The following PAXIP1 variants were observed in gnomAD, a reference collection of about 807,000 sequenced individuals.
The protein encoded by PAXIP1 is PAX interacting protein 1.
PAXIP1 carries 19 observed loss-of-function variants against 140.6 expected under a neutral mutation model. That is an observed-to-expected ratio of 0.14 (90% CI 0.09 to 0.20). The LOEUF (loss-of-function observed/expected upper bound fraction) is 0.20, where lower values mean the gene tolerates loss of function less well. Ranked by LOEUF, PAXIP1 falls within the 10% of genes least tolerant of loss-of-function variation. The pLI, the probability that PAXIP1 is intolerant of heterozygous loss-of-function variation, is 1.00. For synonymous variants in PAXIP1, 442 were observed against 444.6 expected (o/e 0.99, Z 0.07); for missense variants, 920 against 1,208.6 (o/e 0.76, Z 3.54).
At chr7:154,993,795 A>T in intron 2 of PAXIP1, 26 bp from the exon 3 acceptor site, 1 of 1,537,174 alleles carries the variant, frequency 6.5e-7, no homozygotes, top group Non-Finnish European at 8.8e-7. Context: ...TTAAATCAAA[A>T]AGTATTCTCA....
Position 154,963,629 on chromosome 7 carries a change from C to T in PAXIP1, c.1989+42G>A. 1.5e-6 allele frequency: 2 copies of T among 1,361,398 alleles called. No homozygotes were observed. Among genetic ancestry groups the T allele is most frequent in the Non-Finnish European group, 2.1e-6 (2 of 962,346 alleles). The allele number at this position is 1,361,398 out of a possible 1,614,324, so 84.3% of individuals were successfully genotyped here. A position where few individuals can be genotyped will look rare whatever the true frequency, so the allele number is the denominator to read the frequency against. Reference sequence around the variant, plus strand: ...CATTTAAGATTGCATATTAAAAATGCCAGACCTTGCTCCTGGTCGCAGCTA... The same window carrying T: ...CATTTAAGATTGCATATTAAAAATGTCAGACCTTGCTCCTGGTCGCAGCTA... On this transcript the variant is annotated intron_variant, in intron 9 of 20. Coordinates refer to ENST00000404141, the MANE Select transcript of PAXIP1 (RefSeq NM_007349.4). This position sits in a 1 kb window ranked among gnomAD's most constrained non-coding sequence, Gnocchi z 4.1.
chr7:154,954,259 G>A lies in PAXIP1; in HGVS notation c.2817C>T (p.Phe939=), dbSNP rs1157442120. The A allele has an allele frequency of 6.5e-7, 1 of 1,534,344 alleles. No homozygotes were observed. The highest frequency in any genetic ancestry group is 1.2e-5 in the South Asian group (1 of 82,338). The change falls in exon 16 of 21, where the codon TTC becomes TTT. Residue 939 remains phenylalanine, a synonymous_variant. Transcript: ENST00000404141. This position sits in a 1 kb window ranked among gnomAD's most constrained non-coding sequence, Gnocchi z 5.1. ...WLEECFRCQK[F]IDEQNYILRD... ...GTTACTGGCGCTGCTCCTTACCAAT[G>A]AACTTCTGACACCTGAAGCATTCTT...
At chr7:154,999,445 GC>G (rs769262162) in intron 1 of PAXIP1, among the ~76,000 whole-genome samples, 11 of 152,210 alleles carry the variant, frequency 7.2e-5, no homozygotes, top group Non-Finnish European at 1.3e-4. Flanking sequence ...GATTGGGTGG[GC>G]TGGCTGTGTT....
At chr7:154,987,082 C>G (rs1810107090) in intron 4 of PAXIP1, among the ~76,000 whole-genome samples, 1 of 152,186 alleles carries the variant, frequency 6.6e-6, no homozygotes, top group African/African-American at 2.4e-5. Flanking sequence ...CTTCTCTGAG[C>G]AGTCTGCTCA....
chr7:154,982,836 C>A (rs566057679), intron 5 of PAXIP1, among the ~76,000 whole-genome samples: 6 of 152,062 alleles, frequency 3.9e-5, no homozygotes, highest in African/African-American at 1.2e-4. Flanking sequence ...AAAATTTCAC[C>A]ACACACGTTT....
In PAXIP1 at chr7:154,943,860, G is replaced by C. The variant is rs925009066; in HGVS notation, c.*289C>G. ...CCATTTTATTTCTAGTTGAAGTCCCGTAACAGTTTTGTGAAAACATTTAAA... is the reference window on the plus strand; with the variant it reads ...CCATTTTATTTCTAGTTGAAGTCCCCTAACAGTTTTGTGAAAACATTTAAA... On this transcript the variant is annotated 3_prime_UTR_variant, in exon 21 of 21. Coordinates refer to ENST00000404141, the MANE Select transcript of PAXIP1 (RefSeq NM_007349.4). 7.9e-6 allele frequency: 3 copies of C among 378,196 alleles called. No homozygotes were observed. The highest frequency in any genetic ancestry group is 1.5e-5 in the Non-Finnish European group (3 of 203,464). 23.4% of individuals were successfully genotyped at this position (378,196 alleles called of 1,614,324 possible). A position where few individuals can be genotyped will look rare whatever the true frequency, so the allele number is the denominator to read the frequency against.
At chr7:154,950,629 T>C (rs370383437) in intron 16 of PAXIP1, 1 of 152,238 alleles carries the variant, frequency 6.6e-6, no homozygotes, top group South Asian at 2.1e-4. Context: ...GCAACCTTGT[T>C]GATTTACCAA....
intron 4 of PAXIP1, among the ~76,000 whole-genome samples, chr7:154,985,030 A>G (rs890838050): frequency 2.0e-5 from 3 of 152,174 alleles, no homozygotes; most frequent in African/African-American, 7.2e-5. Context: ...TCAACTTGGA[A>G]AACTTCCATG....
intron 4 of PAXIP1, among the ~76,000 whole-genome samples, chr7:154,984,474 G>A (rs913047116): frequency 1.2e-4 from 18 of 152,256 alleles, no homozygotes; most frequent in African/African-American, 4.3e-4. Flanking sequence ...CCAGTATGCA[G>A]CTTGCCAATA....
At chr7:154,945,721 T>C in intron 20 of PAXIP1, 1 of 985,356 alleles carries the variant, frequency 1.0e-6, no homozygotes, top group East Asian at 1.1e-4. Flanking sequence ...AACAGAATTT[T>C]CCCATAAGGA....
chr7:154,995,288 A>C (rs1810528115), intron 2 of PAXIP1, among the ~76,000 whole-genome samples: 1 of 152,160 alleles, frequency 6.6e-6, no homozygotes, highest in Non-Finnish European at 1.5e-5. Context: ...CCAGTCTGGA[A>C]ATGTTATCTA....
In PAXIP1 at chr7:155,002,902, C is replaced by T; in HGVS notation, c.28G>A (p.Glu10Lys). 1 of 1,387,324 alleles carries T rather than the reference C, an allele frequency of 7.2e-7. No individual in the cohort carries two copies. The highest frequency in any genetic ancestry group is 9.5e-7 in the Non-Finnish European group (1 of 1,047,318). 85.9% of individuals were successfully genotyped at this position (1,387,324 alleles called of 1,614,324 possible). The change falls in exon 1 of 21, where the codon GAG becomes AAG. Residue 10 changes from glutamate to lysine, a missense_variant. Physicochemically the swap from Glu to Lys is moderately conservative, Grantham distance 56. Around this residue, in one of 5 missense-constraint regions of PAXIP1, gnomAD observed 419 missense variants for 514.7 expected, o/e 0.81. Transcript: ENST00000404141. ...TACTTGACCTCCCTGAACATCTCCT[C>T]AGGAACTTTGGGCGCCTGGTCCGAC... is the stretch of plus-strand genomic sequence containing the variant. MSDQAPKVP[E>K]EMFREVKYYA...
intron 4 of PAXIP1, among the ~76,000 whole-genome samples, chr7:154,987,206 C>G (rs1370581193): frequency 6.6e-6 from 1 of 152,238 alleles, no homozygotes; most frequent in Admixed American, 6.5e-5. Flanking sequence ...GTGATGCTCA[C>G]TGAGCCAGCT....
Position 154,946,418 on chromosome 7 carries a change from G to A in PAXIP1, c.3141C>T (p.His1047=), listed in dbSNP as rs1807976335. 1.9e-6 allele frequency: 3 copies of A among 1,613,566 alleles called. No individual in the cohort carries two copies. Among genetic ancestry groups the A allele is most frequent in the Non-Finnish European group, 1.7e-6 (2 of 1,179,494 alleles). Residue 1047 remains histidine, a synonymous_variant, in exon 20 of 21, where the codon CAC becomes CAT. Coordinates refer to ENST00000404141, the MANE Select transcript of PAXIP1 (RefSeq NM_007349.4). The surrounding 1 kb of genome is among the most constrained non-coding windows in gnomAD (Gnocchi z 4.9). ...CTCCAGTCAGAACGAACTCTGCATT[G>A]TGAACATCTGAACAGGGTGGAAACA... ...REYFARGIDV[H]NAEFVLTGVL...
Position 154,963,578 on chromosome 7 carries a change from T to G in PAXIP1, c.1989+93A>C. ...TCCTATCTTTAGAGGTAGAAAAAAGTTCTTTCCAAAAATAATAATCACTAG... is the reference window on the plus strand; with the variant it reads ...TCCTATCTTTAGAGGTAGAAAAAAGGTCTTTCCAAAAATAATAATCACTAG... On this transcript the variant is annotated intron_variant, in intron 9 of 20. Transcript: ENST00000404141. The surrounding 1 kb of genome is among the most constrained non-coding windows in gnomAD (Gnocchi z 4.1). 1 of 843,290 alleles carries G rather than the reference T, an allele frequency of 1.2e-6. No homozygotes were observed. Among genetic ancestry groups the G allele is most frequent in the Non-Finnish European group, 1.9e-6 (1 of 520,476 alleles). The allele number at this position is 843,290 out of a possible 1,614,324, so 52.2% of individuals were successfully genotyped here. A position where few individuals can be genotyped will look rare whatever the true frequency, so the allele number is the denominator to read the frequency against.
chr7:154,972,763 C>A (rs1171856920), intron 6 of PAXIP1, among the ~76,000 whole-genome samples: 2 of 152,262 alleles, frequency 1.3e-5, no homozygotes, highest in Non-Finnish European at 2.9e-5. Flanking sequence ...GACAGGTCCA[C>A]TGCGTGGCCG....
chr7:155,002,870 C>A lies in PAXIP1; in HGVS notation c.60G>T (p.Ala20=), dbSNP rs776429600. 4.9e-6 allele frequency: 7 copies of A among 1,416,144 alleles called. No individual in the cohort carries two copies. The highest frequency in any genetic ancestry group is 6.6e-6 in the Non-Finnish European group (7 of 1,065,392). 87.7% of individuals were successfully genotyped at this position (1,416,144 alleles called of 1,614,324 possible). A position where few individuals can be genotyped will look rare whatever the true frequency, so the allele number is the denominator to read the frequency against. The change falls in exon 1 of 21, where the codon GCG becomes GCT. Residue 20 remains alanine (A), a synonymous_variant. Coordinates refer to ENST00000404141, the MANE Select transcript of PAXIP1 (RefSeq NM_007349.4). The part of the protein sequence containing the change: ...EEMFREVKYY[A]VGDIDPQVIQ... ...GTACCTGCGGGTCGATGTCGCCCAC[C>A]GCGTAATACTTGACCTCCCTGAACA...
chr7:154,981,695 T>C (rs151053776), intron 5 of PAXIP1, among the ~76,000 whole-genome samples: 52 of 152,244 alleles, frequency 3.4e-4, no homozygotes, highest in African/African-American at 1.2e-3. Flanking sequence ...CAAAGAAAAA[T>C]GATTTAAGTG....
Position 154,975,986 on chromosome 7 carries a change from TCTC to T in PAXIP1, c.781_783del (p.Glu261del), listed in dbSNP as rs1809555551. 6.2e-7 allele frequency: 1 copy of T among 1,613,616 alleles called. No individual in the cohort carries two copies. Among genetic ancestry groups the T allele is most frequent in the African/African-American group, 1.3e-5 (1 of 74,912 alleles). ...TCGGCCGGGGTCCAGTTTAAATTTC[TCTC>T]CTGTTTTTCCGGTGATGAATCTGAA... On this transcript the variant is annotated inframe_deletion, in exon 6 of 21. Coordinates refer to ENST00000404141, the MANE Select transcript of PAXIP1 (RefSeq NM_007349.4).
Sources: gnomAD v4.1 joint callset for allele counts (sites outside exome capture counted in the v4.1 genomes callset) on GRCh38, gnomAD v4.1.1 for gene constraint, gnomAD v4.1.1 regional missense constraint, Gnocchi (gnomAD v3.1) non-coding constraint, MANE v1.5 for transcripts, NCBI Gene and HGNC (gene_info 2026-07-23, HGNC 2026-07-21) for gene names.